The following HDHD2 variants were observed in gnomAD, a reference collection of about 807,000 sequenced individuals.
HDHD2 encodes haloacid dehalogenase like hydrolase domain containing 2.
HDHD2 carries 26 observed loss-of-function variants against 24.8 expected under a neutral mutation model. The observed-to-expected ratio is 1.05, with a 90% CI of 0.77 to 1.45. HDHD2 has a LOEUF of 1.45. Among genes scored for constraint, HDHD2 ranks in the 40% most tolerant of loss-of-function variants. The pLI, the probability that HDHD2 is intolerant of heterozygous loss-of-function variation, is 0.00. For synonymous variants in HDHD2, 128 were observed against 114.9 expected (o/e 1.11, Z -0.73); for missense variants, 299 against 313.4 (o/e 0.95, Z 0.35).
intron 4 of HDHD2, among the ~76,000 whole-genome samples, chr18:47,125,118 T>C (rs2063645503): frequency 1.3e-5 from 2 of 152,034 alleles, no homozygotes; most frequent in South Asian, 4.1e-4. Context: ...GCTATGATAG[T>C]GCCACTGCAC....
In HDHD2 at chr18:47,108,777, G is replaced by A. The variant is rs141476363; in HGVS notation, c.685C>T (p.Arg229Ter). Reference protein sequence around the residue: ...LGILVKTGKYRASDEEKINPP... With the variant: ...LGILVKTGKY ...TTAATTTTTTCTTCATCTGATGCTC[G>A]ATATTTCCCTGAAATGAAAGTAAAG... Residue 229 changes from arginine (R) to a stop codon, truncating the protein, a stop_gained, in exon 7 of 7, where the codon CGA (arginine) becomes TGA (stop). Transcript: ENST00000300605. LOFTEE classifies it high-confidence loss of function. 55 of 1,596,738 alleles carry A rather than the reference G, an allele frequency of 3.4e-5. No individual in the cohort carries two copies. The highest frequency in any genetic ancestry group is 6.7e-5 in the African/African-American group (5 of 74,322).
intron 1 of HDHD2, among the ~76,000 whole-genome samples, chr18:47,144,099 G>A (rs144010639): frequency 0.012 from 1,869 of 152,120 alleles, 130 homozygotes; most frequent in Admixed American, 0.11. Context: ...GCATGCGCAT[G>A]TGTGTAAGCC....
intron 2 of HDHD2, among the ~76,000 whole-genome samples, chr18:47,135,071 C>T (rs1394485192): frequency 6.6e-6 from 1 of 152,038 alleles, no homozygotes; most frequent in East Asian, 1.9e-4. Context: ...TCCACTGCTT[C>T]TCCACCTATA....
intron 6 of HDHD2, chr18:47,110,756 G>A: frequency 1.0e-6 from 1 of 985,208 alleles, no homozygotes; most frequent in Non-Finnish European, 1.2e-6. Context: ...TGAATGGAGG[G>A]AGAAAACAGG....
intron 4 of HDHD2, among the ~76,000 whole-genome samples, chr18:47,125,435 A>G (rs936884628): frequency 2.6e-5 from 4 of 152,030 alleles, no homozygotes; most frequent in African/African-American, 9.6e-5. Flanking sequence ...AAAGACATAT[A>G]CAAGAATGTT....
At chr18:47,109,923 T>C in intron 6 of HDHD2, 1 of 949,508 alleles carries the variant, frequency 1.1e-6, no homozygotes. Flanking sequence ...GACTAGCACA[T>C]AGTAACTATC....
At chr18:47,133,398 A>G (rs2063732449) in intron 3 of HDHD2, among the ~76,000 whole-genome samples, 2 of 151,766 alleles carry the variant, frequency 1.3e-5, no homozygotes, top group Admixed American at 6.6e-5. Context: ...TCTATCATTG[A>G]TGGACATTTG....
chr18:47,114,413 A>T (rs1426167576), intron 5 of HDHD2, among the ~76,000 whole-genome samples: 1 of 152,246 alleles, frequency 6.6e-6, no homozygotes, highest in Non-Finnish European at 1.5e-5. Context: ...GTTTTGGACC[A>T]GACATTTGTG....
intron 4 of HDHD2, among the ~76,000 whole-genome samples, chr18:47,128,794 T>C (rs905842106): frequency 1.3e-5 from 2 of 152,352 alleles, no homozygotes; most frequent in South Asian, 4.1e-4. Flanking sequence ...AACTGCTATT[T>C]CTGGCCACAT....
intron 4 of HDHD2, among the ~76,000 whole-genome samples, chr18:47,121,146 G>C (rs1311259789): frequency 6.7e-6 from 1 of 149,798 alleles, no homozygotes; most frequent in African/African-American, 2.5e-5. Flanking sequence ...ATAATGCAAA[G>C]TGCAATAAAA....
intron 1 of HDHD2, chr18:47,137,265 C>A: frequency 7.4e-6 from 4 of 540,578 alleles, no homozygotes; most frequent in Non-Finnish European, 1.4e-5. Context: ...GCTGAAGATA[C>A]AATGGATGTG....
intron 3 of HDHD2, 49 bp downstream of exon 3, chr18:47,134,447 G>T (rs760027599): frequency 4.7e-6 from 6 of 1,277,574 alleles, no homozygotes; most frequent in Non-Finnish European, 6.8e-6. Context: ...AAAATGATTT[G>T]TAAGTACATA....
intron 6 of HDHD2, 21 bp from the exon 7 acceptor site, chr18:47,108,806 G>C: frequency 2.1e-6 from 3 of 1,448,926 alleles, no homozygotes; most frequent in Non-Finnish European, 2.9e-6. Context: ...AGTAAAGCCA[G>C]TAAACACAGG....
chr18:47,145,000 G>A (rs1363906090), intron 1 of HDHD2, among the ~76,000 whole-genome samples: 4 of 151,978 alleles, frequency 2.6e-5, no homozygotes, highest in Non-Finnish European at 5.9e-5. Context: ...CATGTGTAAG[G>A]AACAAAAGGC....
At chr18:47,108,915 C>T (rs2063494204) in intron 6 of HDHD2, 130 bp from the exon 7 acceptor site, 2 of 602,072 alleles carry the variant, frequency 3.3e-6, no homozygotes, top group East Asian at 3.0e-5. Context: ...GCACATCTCC[C>T]AAATCACCTT....
At position 47,130,223 on chromosome 18, in the gene HDHD2, AAAAT is replaced by A. The variant is rs1458815719; in HGVS notation, c.395+17_395+20del. On this transcript the variant is annotated intron_variant, in intron 4 of 6. Transcript: ENST00000300605. ...GAAGGGAACTATTATGATCAGATGA[AAAAT>A]AAATAGCTAGGTTTACCGGAATGCT... The A allele has an allele frequency of 6.9e-7, 1 of 1,456,822 alleles. No individual in the cohort carries two copies. The highest frequency in any genetic ancestry group is 9.6e-7 in the Non-Finnish European group (1 of 1,045,130). The allele number at this position is 1,456,822 out of a possible 1,614,324, so 90.2% of individuals were successfully genotyped here.
chr18:47,114,449 A>G (rs1248168375), intron 5 of HDHD2, among the ~76,000 whole-genome samples: 18 of 152,190 alleles, frequency 1.2e-4, no homozygotes, highest in Admixed American at 1.2e-3. Context: ...TTGACATGTT[A>G]TTATTTAAAA....
chr18:47,137,843 A>G (rs1018310099), intron 1 of HDHD2, among the ~76,000 whole-genome samples: 1 of 151,994 alleles, frequency 6.6e-6, no homozygotes, highest in Admixed American at 6.6e-5. Flanking sequence ...CTTCAAGTCA[A>G]GCATCTTGGT....
At position 47,140,727 on chromosome 18, in the gene HDHD2, G is replaced by A. The variant is rs546515990; in HGVS notation, c.-10-4278C>T. Among the ~76,000 whole-genome samples the A allele has an allele frequency of 9.2e-5, 14 of 152,210 alleles. 1 individual carries two copies. The South Asian group carries it at 2.9e-3, about 32-fold the overall frequency. On this transcript the variant is annotated intron_variant, in intron 1 of 6. Transcript: ENST00000300605. ...AGATGGGGTCTTCCTATGTCTCTCA[G>A]GCTGGTCTCCAACTCCTAAGCTCAA... is the stretch of plus-strand genomic sequence containing the variant.
Sources: allele counts gnomAD v4.1 joint callset (sites outside exome capture counted in the v4.1 genomes callset), GRCh38; gene constraint gnomAD v4.1.1; transcripts MANE v1.5; gene names NCBI Gene and HGNC (gene_info 2026-07-23, HGNC 2026-07-21).